The following CHODL variants were observed in gnomAD, a reference collection of about 807,000 sequenced individuals.
CHODL encodes chondrolectin, also known as transmembrane protein MT75.
CHODL carries 29 observed loss-of-function variants against 34.5 expected under a neutral mutation model. The observed-to-expected ratio is 0.84, with a 90% CI of 0.63 to 1.15. The LOEUF (loss-of-function observed/expected upper bound fraction) is 1.15. Among genes scored for constraint, CHODL ranks in the 50% most tolerant of loss-of-function variants. The pLI is 0.00. For missense variants in CHODL, 332 were observed against 332.5 expected (o/e 1.00, Z 0.01); for synonymous variants, 125 against 116.1 (o/e 1.08, Z -0.49).
intron 2 of CHODL, among the ~76,000 whole-genome samples, chr21:18,202,965 C>A (rs1002136495): frequency 6.6e-6 from 1 of 151,942 alleles, no homozygotes; most frequent in South Asian, 2.1e-4. Flanking sequence ...AGATCCATCT[C>A]GAAAAATCTT....
chr21:18,040,026 A>G (rs1424316124), intron 2 of CHODL, among the ~76,000 whole-genome samples: 1 of 151,868 alleles, frequency 6.6e-6, no homozygotes, highest in Non-Finnish European at 1.5e-5. Flanking sequence ...TCACATAAAT[A>G]AGAATGTAAC....
intron 1 of CHODL, among the ~76,000 whole-genome samples, chr21:17,940,917 C>CG (rs2063357870): frequency 6.6e-6 from 1 of 152,160 alleles, no homozygotes; most frequent in Non-Finnish European, 1.5e-5. Flanking sequence ...CATCTGATTT[C>CG]CACTTGGATA....
intron 2 of CHODL, among the ~76,000 whole-genome samples, chr21:18,062,900 A>G (rs1277531907): frequency 1.3e-5 from 2 of 152,164 alleles, no homozygotes; most frequent in African/African-American, 4.8e-5. Flanking sequence ...AAGGAGAAAG[A>G]GAGGGAAAGG....
intron 1 of CHODL, among the ~76,000 whole-genome samples, chr21:17,981,388 TTTC>T (rs2063712873): frequency 6.6e-6 from 1 of 152,208 alleles, no homozygotes; most frequent in Non-Finnish European, 1.5e-5. Context: ...GCAGCGTTTG[TTTC>T]TTTTTTTAAA....
chr21:18,243,559 T>G (rs200877065), upstream of CHODL, among the ~76,000 whole-genome samples: 14 of 152,122 alleles, frequency 9.2e-5, no homozygotes, highest in East Asian at 2.7e-3. Context: ...TTTTTTTTTT[T>G]TTGAGACAGG....
At chr21:18,207,690 GTCTT>G (rs2073728095) in intron 2 of CHODL, among the ~76,000 whole-genome samples, 2 of 70,592 alleles carry the variant, frequency 2.8e-5, no homozygotes, top group East Asian at 9.9e-4. Context: ...TGCGGGGAAA[GTCTT>G]TATTTATCTT....
chr21:18,062,708 G>A (rs903475722), intron 2 of CHODL, among the ~76,000 whole-genome samples: 3 of 152,154 alleles, frequency 2.0e-5, no homozygotes, highest in Non-Finnish European at 4.4e-5. Flanking sequence ...GGAGGTTGCA[G>A]TGAGCCGAGA....
intron 2 of CHODL, among the ~76,000 whole-genome samples, chr21:18,195,116 G>A (rs1243557517): frequency 3.3e-5 from 5 of 151,738 alleles, no homozygotes; most frequent in African/African-American, 1.2e-4. Context: ...GTGCAGTGGT[G>A]TGATCTCCAC....
intron 1 of CHODL, among the ~76,000 whole-genome samples, chr21:17,984,480 A>G (rs1297707081): frequency 6.6e-6 from 1 of 152,066 alleles, no homozygotes; most frequent in Admixed American, 6.6e-5. Flanking sequence ...CATTCTCTTT[A>G]TATAGGATAG....
chr21:18,018,178 A>T (rs902430867), intron 1 of CHODL, among the ~76,000 whole-genome samples: 4 of 152,130 alleles, frequency 2.6e-5, no homozygotes, highest in African/African-American at 9.7e-5. Context: ...GAGACTTGAG[A>T]CTTTGGACTT....
intron 1 of CHODL, among the ~76,000 whole-genome samples, chr21:18,013,222 G>A (rs866187912): frequency 6.6e-6 from 1 of 151,966 alleles, no homozygotes; most frequent in African/African-American, 2.4e-5. Context: ...GTTTATTGGG[G>A]TCACCTCTCA....
At position 17,944,016 on chromosome 21, in the gene CHODL, C is replaced by T. The variant is rs937611928; in HGVS notation, c.-145+26616C>T. Among the ~76,000 whole-genome samples, 4 of 152,248 alleles carry T rather than the reference C, an allele frequency of 2.6e-5. No homozygotes were observed. In the South Asian group the frequency reaches 8.3e-4, roughly 32 times the overall value. ...AGAGATATCAGCTAAACTTATAGTA[C>T]ACTGGCAAAGCTGAGCTGCTTGACT... On this transcript the variant is annotated intron_variant, in intron 1 of 6. Transcript: ENST00000400127.
At chr21:17,926,772 C>T (rs1396876671) in intron 1 of CHODL, among the ~76,000 whole-genome samples, 1 of 152,064 alleles carries the variant, frequency 6.6e-6, no homozygotes, top group African/African-American at 2.4e-5. Flanking sequence ...CAAACCATAT[C>T]ACCAAGTTAC....
intron 2 of CHODL, among the ~76,000 whole-genome samples, chr21:18,094,878 C>A (rs1041044152): frequency 1.3e-5 from 2 of 152,032 alleles, no homozygotes; most frequent in Non-Finnish European, 2.9e-5. Flanking sequence ...AATCCCAGCA[C>A]TTTGAGAGGC....
At chr21:18,129,208 T>C (rs1397651850) in intron 2 of CHODL, among the ~76,000 whole-genome samples, 5 of 152,138 alleles carry the variant, frequency 3.3e-5, no homozygotes, top group Non-Finnish European at 1.5e-5. Flanking sequence ...CTCAGAATAA[T>C]TTTTATTTTA....
chr21:18,113,289 C>A (rs1212634603), intron 2 of CHODL, among the ~76,000 whole-genome samples: 1 of 152,126 alleles, frequency 6.6e-6, no homozygotes, highest in Non-Finnish European at 1.5e-5. Flanking sequence ...AAAGTGAATT[C>A]TTGCACACTG....
intron 2 of CHODL, among the ~76,000 whole-genome samples, chr21:18,209,424 G>A (rs1164433070): frequency 6.6e-6 from 1 of 152,126 alleles, no homozygotes; most frequent in Non-Finnish European, 1.5e-5. Context: ...TTGGGACAGT[G>A]GGCTCCCCTC....
intron 1 of CHODL, among the ~76,000 whole-genome samples, chr21:17,955,014 CAA>C (rs941601769): frequency 7.5e-6 from 1 of 133,540 alleles, no homozygotes; most frequent in Non-Finnish European, 1.7e-5. Flanking sequence ...AGCTTATAGA[CAA>C]GAGGAATTTA....
chr21:18,110,094 A>G (rs1163730208), intron 2 of CHODL, among the ~76,000 whole-genome samples: 1 of 152,194 alleles, frequency 6.6e-6, no homozygotes, highest in Non-Finnish European at 1.5e-5. Context: ...ACTTTATGGC[A>G]TGTTGGAAAT....
Sources: gnomAD v4.1 joint callset for allele counts (sites outside exome capture counted in the v4.1 genomes callset) on GRCh38, gnomAD v4.1.1 for gene constraint, MANE v1.5 for transcripts, NCBI Gene and HGNC (gene_info 2026-07-23, HGNC 2026-07-21) for gene names.